Variants in RABGAP1L observed in about 807,000 individuals in gnomAD.
RABGAP1L encodes the protein rab GTPase-activating protein 1-like.
Under a neutral mutation model 137.7 loss-of-function variants are expected in RABGAP1L, and 63 were observed. The ratio of observed to expected loss-of-function variants is 0.46; its 90% CI spans 0.37 to 0.56. RABGAP1L has a LOEUF of 0.56. Ranked by LOEUF, RABGAP1L falls within the 20% of genes least tolerant of loss-of-function variation. The pLI, the probability that RABGAP1L is intolerant of heterozygous loss-of-function variation, is 0.00. For synonymous variants in RABGAP1L, 431 were observed against 433.7 expected (o/e 0.99, Z 0.08); for missense variants, 1,095 against 1,244.0 (o/e 0.88, Z 1.80).
intron 1 of RABGAP1L, among the ~76,000 whole-genome samples, chr1:174,208,524 T>G (rs372026092): frequency 8.5e-5 from 13 of 152,154 alleles, no homozygotes; most frequent in African/African-American, 3.1e-4. Context: ...TTTTGTCAAA[T>G]GCATTTCAAT....
intron 7 of RABGAP1L, among the ~76,000 whole-genome samples, chr1:174,253,170 C>T (rs951765194): frequency 2.6e-5 from 4 of 152,072 alleles, no homozygotes; most frequent in African/African-American, 9.7e-5. Context: ...AGGAGAAAAA[C>T]AGGTCAGAGT....
intron 11 of RABGAP1L, among the ~76,000 whole-genome samples, chr1:174,332,301 T>C (rs1442342500): frequency 6.6e-6 from 1 of 152,198 alleles, no homozygotes; most frequent in Non-Finnish European, 1.5e-5. Flanking sequence ...AGAATGTTTT[T>C]TATATTGCTT....
At chr1:174,316,848 T>C (rs1679421282) in intron 11 of RABGAP1L, among the ~76,000 whole-genome samples, 1 of 152,136 alleles carries the variant, frequency 6.6e-6, no homozygotes, top group Non-Finnish European at 1.5e-5. Flanking sequence ...GAGCTGGCAG[T>C]TGAACCACAA....
chr1:174,618,000 G>A (rs576303335), intron 13 of RABGAP1L, among the ~76,000 whole-genome samples: 5 of 152,310 alleles, frequency 3.3e-5, no homozygotes, highest in South Asian at 2.1e-4. Context: ...ATTATAGCCC[G>A]CGCCTGGCTT....
chr1:174,429,867 C>G (rs1652404766), intron 13 of RABGAP1L, among the ~76,000 whole-genome samples: 1 of 152,046 alleles, frequency 6.6e-6, no homozygotes, highest in Admixed American at 6.6e-5. Flanking sequence ...TGTTTCCAGC[C>G]ATTTCCAGCC....
In RABGAP1L at chr1:174,383,392, A is replaced by G. The variant is rs377302096; in HGVS notation, c.1560-10603A>G. Among the ~76,000 whole-genome samples the G allele has an allele frequency of 4.4e-3, 660 of 150,922 alleles. 2 individuals carry two copies. Among genetic ancestry groups the G allele is most frequent in the African/African-American group, 0.012 (482 of 41,002 alleles). On this transcript the variant is annotated intron_variant, in intron 12 of 25. Transcript: ENST00000681986. Reference sequence around the variant, plus strand: ...TGGCGGGCGCCCCTCCCCCAGCCTCACTGCCGCCTTGCAGTTTGATCTCAG... The same window carrying G: ...TGGCGGGCGCCCCTCCCCCAGCCTCGCTGCCGCCTTGCAGTTTGATCTCAG...
intron 11 of RABGAP1L, among the ~76,000 whole-genome samples, chr1:174,319,194 T>C (rs1403769310): frequency 2.0e-5 from 3 of 152,092 alleles, no homozygotes; most frequent in Non-Finnish European, 4.4e-5. Flanking sequence ...ACAGATCTGG[T>C]GACATGATAT....
At chr1:174,938,245 C>G (rs1665241771) in intron 19 of RABGAP1L, among the ~76,000 whole-genome samples, 1 of 152,164 alleles carries the variant, frequency 6.6e-6, no homozygotes, top group Non-Finnish European at 1.5e-5. Flanking sequence ...GATTTCTCTG[C>G]TAAGGCTTAT....
intron 13 of RABGAP1L, among the ~76,000 whole-genome samples, chr1:174,622,509 G>A (rs1288134741): frequency 6.6e-6 from 1 of 152,228 alleles, no homozygotes; most frequent in Admixed American, 6.5e-5. Flanking sequence ...ATACACCATG[G>A]AATACTATGC....
intron 19 of RABGAP1L, among the ~76,000 whole-genome samples, chr1:174,848,875 G>GCGAGATTC (rs1193140350): frequency 4.0e-5 from 6 of 151,150 alleles, no homozygotes; most frequent in African/African-American, 1.5e-4. Flanking sequence ...CTAGCAATCA[G>GCGAGATTC]CGAGATTCCG....
intron 13 of RABGAP1L, among the ~76,000 whole-genome samples, chr1:174,599,890 GTTA>G (rs769259618): frequency 1.3e-5 from 2 of 152,020 alleles, no homozygotes; most frequent in Non-Finnish European, 2.9e-5. Flanking sequence ...AATGTTTTCT[GTTA>G]TTATCTCTTT....
chr1:174,276,871 T>G (rs1675045489), intron 9 of RABGAP1L, among the ~76,000 whole-genome samples: 1 of 152,140 alleles, frequency 6.6e-6, no homozygotes, highest in Admixed American at 6.5e-5. Flanking sequence ...TTTTGCCCCT[T>G]CATTATCTAC....
intron 19 of RABGAP1L, among the ~76,000 whole-genome samples, chr1:174,857,500 A>G (rs1168881731): frequency 1.3e-5 from 2 of 152,202 alleles, no homozygotes; most frequent in Non-Finnish European, 2.9e-5. Context: ...ATACTCTGTG[A>G]AGTCATTGTA....
chr1:174,596,639 T>G (rs1243836313), intron 13 of RABGAP1L, among the ~76,000 whole-genome samples: 2 of 152,232 alleles, frequency 1.3e-5, no homozygotes, highest in East Asian at 1.9e-4. Context: ...TTTTTCTAAA[T>G]ATAAGATTAT....
At chr1:174,962,196 A>AACC (rs1669189616) in intron 20 of RABGAP1L, among the ~76,000 whole-genome samples, 4 of 77,840 alleles carry the variant, frequency 5.1e-5, no homozygotes, top group African/African-American at 7.5e-5. Flanking sequence ...ATAAAAATAC[A>AACC]CCCCCCCCCC....
intron 18 of RABGAP1L, chr1:174,800,590 C>T: frequency 6.8e-7 from 1 of 1,478,178 alleles, no homozygotes; most frequent in Non-Finnish European, 9.0e-7. Flanking sequence ...CTTGTTGTCT[C>T]TGGTTTTCTT....
chr1:174,964,561 AT>A (rs1208240716), intron 20 of RABGAP1L, among the ~76,000 whole-genome samples: 7 of 152,160 alleles, frequency 4.6e-5, no homozygotes, highest in Non-Finnish European at 8.8e-5. Context: ...AAGATGAACT[AT>A]TTTGCAAGAT....
intron 14 of RABGAP1L, among the ~76,000 whole-genome samples, chr1:174,680,585 G>A (rs560047141): frequency 2.4e-4 from 36 of 152,148 alleles, no homozygotes; most frequent in Non-Finnish European, 4.4e-4. Flanking sequence ...TGAAGAACTC[G>A]TAGGAACCAA....
intron 13 of RABGAP1L, among the ~76,000 whole-genome samples, chr1:174,437,231 T>A (rs1170864726): frequency 6.7e-6 from 1 of 149,558 alleles, no homozygotes; most frequent in African/African-American, 2.5e-5. Flanking sequence ...ATGACTTTGA[T>A]GAGTTGAGAG....
Sources: allele counts gnomAD v4.1 joint callset (sites outside exome capture counted in the v4.1 genomes callset), GRCh38; gene constraint gnomAD v4.1.1; transcripts MANE v1.5; gene names NCBI Gene and HGNC (gene_info 2026-07-23, HGNC 2026-07-21).